Variants in FRK observed in about 807,000 individuals in gnomAD.
FRK encodes tyrosine-protein kinase FRK.
In FRK, 51 loss-of-function variants were observed where a neutral mutation model predicts 56.4. That is an observed-to-expected ratio of 0.90 (90% CI 0.72 to 1.14). FRK has a LOEUF of 1.14. Ranked by LOEUF, FRK falls within the 50% of genes most tolerant of loss-of-function variation. The pLI is 0.00. For missense variants in FRK, 570 were observed against 601.4 expected, an observed-to-expected ratio of 0.95 and a Z score of 0.55; for synonymous variants, 245 against 217.9, an observed-to-expected ratio of 1.12 and a Z score of -1.10.
At chr6:116,064,537 G>T (rs1450364385), upstream of FRK, among the ~76,000 whole-genome samples, 3 of 152,150 alleles carry the variant, frequency 2.0e-5, no homozygotes, top group Non-Finnish European at 2.9e-5. Context: ...GAATATTCAT[G>T]ATTGAGAGTG....
At chr6:116,021,828 A>G (rs1185345920) in intron 1 of FRK, among the ~76,000 whole-genome samples, 1 of 152,088 alleles carries the variant, frequency 6.6e-6, no homozygotes, top group Non-Finnish European at 1.5e-5. Flanking sequence ...GAAATAGTAA[A>G]GACAACAGTA....
At chr6:116,019,373 G>A (rs1775777669) in intron 1 of FRK, among the ~76,000 whole-genome samples, 1 of 152,080 alleles carries the variant, frequency 6.6e-6, no homozygotes, top group South Asian at 2.1e-4. Context: ...TCAAAACGTA[G>A]GACAAGAATA....
chr6:116,090,200 TC>T, the FRK span, among the ~76,000 whole-genome samples: 1 of 152,120 alleles, frequency 6.6e-6, no homozygotes, highest in Non-Finnish European at 1.5e-5. Flanking sequence ...CAAGGTTAAA[TC>T]CCTTGCACAG....
the FRK span, among the ~76,000 whole-genome samples, chr6:116,098,100 CT>C: frequency 5.9e-5 from 5 of 84,268 alleles, no homozygotes; most frequent in Admixed American, 1.6e-4. Context: ...TTACAGACAG[CT>C]TTTTTTTTTT....
chr6:116,025,376 CA>C (rs1179406741), intron 1 of FRK, among the ~76,000 whole-genome samples: 1 of 152,030 alleles, frequency 6.6e-6, no homozygotes, highest in East Asian at 1.9e-4. Context: ...GAAAAGTAAA[CA>C]AAAATGTATT....
At chr6:116,016,770 T>C (rs1388962604) in intron 1 of FRK, among the ~76,000 whole-genome samples, 1 of 152,204 alleles carries the variant, frequency 6.6e-6, no homozygotes, top group Non-Finnish European at 1.5e-5. Context: ...TAGCCCTGTA[T>C]ACCCAGATAC....
intron 2 of FRK, among the ~76,000 whole-genome samples, chr6:115,988,580 T>C (rs962464715): frequency 1.4e-4 from 22 of 152,112 alleles, no homozygotes; most frequent in Middle Eastern, 3.4e-3. Context: ...GTCTACATGA[T>C]GGCGTGTTAC....
At chr6:116,016,619 C>A (rs1158506900) in intron 1 of FRK, among the ~76,000 whole-genome samples, 2 of 152,078 alleles carry the variant, frequency 1.3e-5, no homozygotes, top group African/African-American at 4.8e-5. Context: ...ACTAGTTTTA[C>A]TGCTTTGGGG....
chr6:115,981,156 T>A (rs1229528922), intron 2 of FRK, among the ~76,000 whole-genome samples: 1 of 152,118 alleles, frequency 6.6e-6, no homozygotes, highest in Non-Finnish European at 1.5e-5. Context: ...GATTTTTGTT[T>A]ATGGGAGCTT....
rs1175557468 is a variant in FRK, at chr6:116,060,422, T to A, written c.-111A>T. 1.3e-6 allele frequency: 1 copy of A among 792,252 alleles called. No homozygotes were observed. The allele number at this position is 792,252 out of a possible 1,614,324, so 49.1% of individuals were successfully genotyped here. A position where few individuals can be genotyped will look rare whatever the true frequency, so the allele number is the denominator to read the frequency against. ...CTTTGAAGTCAGCACCAACTCACCA[T>A]ACTTCGGAGAGTATGCAAAGTCCCG... On this transcript the variant is annotated 5_prime_UTR_variant, in exon 1 of 8. An upstream start codon of the reference 5' UTR is lost. Coordinates refer to ENST00000606080, the MANE Select transcript of FRK (RefSeq NM_002031.3).
rs376406708 is a variant in FRK, at chr6:115,967,647, G to T, written c.703C>A (p.Gln235Lys). 6.2e-7 allele frequency: 1 copy of T among 1,613,416 alleles called. No individual in the cohort carries two copies. The highest frequency in any genetic ancestry group is 1.3e-5 in the African/African-American group (1 of 74,798). The stretch of plus-strand genomic sequence containing the variant: ...CCAGATCCCAATCGCTTCAGAAGCT[G>T]TATGGAGTTGCGGTCTATCTCCCAT... Reference protein sequence around the residue: ...DQWEIDRNSIQLLKRLGSGQF... With the variant: ...DQWEIDRNSIKLLKRLGSGQF... Residue 235 changes from glutamine (Q) to lysine (K), a missense_variant, in exon 4 of 8, where the codon CAG (glutamine) becomes AAG (lysine). Physicochemically the swap from Gln to Lys is moderately conservative, Grantham distance 53. Coordinates refer to ENST00000606080, the MANE Select transcript of FRK (RefSeq NM_002031.3).
At chr6:116,056,773 A>G (rs2114830917) in intron 1 of FRK, among the ~76,000 whole-genome samples, 1 of 152,360 alleles carries the variant, frequency 6.6e-6, no homozygotes, top group Middle Eastern at 3.4e-3. Flanking sequence ...AAAAAGACTC[A>G]TCTCTAAAAT....
chr6:115,945,235 G>A (rs1020665782), intron 5 of FRK, among the ~76,000 whole-genome samples: 1 of 152,070 alleles, frequency 6.6e-6, no homozygotes, highest in South Asian at 2.1e-4. Flanking sequence ...ATCCAGTAAT[G>A]GGATTGCTGG....
At chr6:116,077,176 T>A in the FRK span, among the ~76,000 whole-genome samples, 1 of 152,212 alleles carries the variant, frequency 6.6e-6, no homozygotes, top group Non-Finnish European at 1.5e-5. Flanking sequence ...TTACTGTCAG[T>A]CAGCTTTATA....
the FRK span, among the ~76,000 whole-genome samples, chr6:116,077,210 T>C: frequency 6.6e-6 from 1 of 152,216 alleles, no homozygotes; most frequent in Non-Finnish European, 1.5e-5. Context: ...ACAGAGGCTT[T>C]AGGTTATTTA....
At chr6:116,083,144 T>C in the FRK span, among the ~76,000 whole-genome samples, 9 of 152,276 alleles carry the variant, frequency 5.9e-5, no homozygotes, top group Admixed American at 3.9e-4. Context: ...ATGACGGTCA[T>C]GGATAAAATA....
At chr6:116,025,202 C>T (rs1047874128) in intron 1 of FRK, among the ~76,000 whole-genome samples, 10 of 152,270 alleles carry the variant, frequency 6.6e-5, no homozygotes, top group African/African-American at 1.9e-4. Context: ...ACTGCCATTG[C>T]TTCTTTGTTT....
intron 1 of FRK, among the ~76,000 whole-genome samples, chr6:116,030,469 T>G (rs915274125): frequency 6.6e-6 from 1 of 152,106 alleles, no homozygotes; most frequent in African/African-American, 2.4e-5. Flanking sequence ...ATTTCCTGGG[T>G]GATAGGAGCA....
chr6:116,039,354 A>G, intron 1 of FRK: 2 of 1,456,336 alleles, frequency 1.4e-6, no homozygotes, highest in Non-Finnish European at 1.9e-6. Flanking sequence ...GGTGGCTCAG[A>G]GCACCCGTAT....
Sources: gnomAD v4.1 joint callset for allele counts (sites outside exome capture counted in the v4.1 genomes callset) on GRCh38, gnomAD v4.1.1 for gene constraint, MANE v1.5 for transcripts, NCBI Gene and HGNC (gene_info 2026-07-23, HGNC 2026-07-21) for gene names.